Variants in MALRD1 observed in about 807,000 individuals in gnomAD.
MALRD1 encodes the protein MAM and LDL receptor class A domain containing 1, also known as MAM and LDL-receptor class A domain-containing protein 1.
MALRD1 carries 247 observed loss-of-function variants against 242.1 expected under a neutral mutation model. That is an observed-to-expected ratio of 1.02 (90% CI 0.92 to 1.13). The LOEUF is 1.13. Ranked by LOEUF, MALRD1 falls within the 50% of genes most tolerant of loss-of-function variation. The pLI, the probability that MALRD1 is intolerant of heterozygous loss-of-function variation, is 0.00. For missense variants in MALRD1, 2,989 were observed against 2,533.1 expected (o/e 1.18, Z -3.86); for synonymous variants, 995 against 866.6 (o/e 1.15, Z -2.60).
At position 19,691,939 on chromosome 10, in the gene MALRD1, CT is replaced by C. The variant is rs150268970; in HGVS notation, c.6138-339del. Reference sequence around the variant, plus strand: ...TCTTCACTATAGAAAAATGTGCTGCCTTTTGGATTTGAGGCAAATGATGGAT... The same window carrying C: ...TCTTCACTATAGAAAAATGTGCTGCCTTTGGATTTGAGGCAAATGATGGAT... On this transcript the variant is annotated intron_variant, in intron 36 of 39. Transcript: ENST00000454679. Among the ~76,000 whole-genome samples, 1,431 of 152,174 alleles carry C rather than the reference CT, an allele frequency of 9.4e-3. 19 individuals are homozygous for C. Among genetic ancestry groups the C allele is most frequent in the East Asian group, 0.056 (288 of 5,182 alleles).
chr10:19,352,883 T>C (rs564834948), intron 26 of MALRD1, among the ~76,000 whole-genome samples: 1 of 152,310 alleles, frequency 6.6e-6, no homozygotes, highest in South Asian at 2.1e-4. Flanking sequence ...GTAGTAGAAT[T>C]AGCAAGCACC....
intron 19 of MALRD1, among the ~76,000 whole-genome samples, chr10:19,268,208 A>G (rs1473871228): frequency 6.6e-6 from 1 of 152,108 alleles, no homozygotes; most frequent in Non-Finnish European, 1.5e-5. Context: ...GTTATAAAGC[A>G]AAAGTATTTC....
intron 21 of MALRD1, among the ~76,000 whole-genome samples, chr10:19,297,483 G>A (rs1414793229): frequency 6.6e-6 from 1 of 151,506 alleles, no homozygotes. Context: ...TAAAGTTTGG[G>A]GTAAGAGTAT....
chr10:19,570,089 C>T (rs114964900), intron 33 of MALRD1, among the ~76,000 whole-genome samples: 2,307 of 151,952 alleles, frequency 0.015, 57 homozygotes, highest in African/African-American at 0.053. Flanking sequence ...CTGTCAAGGA[C>T]GATTTAAAAA....
chr10:19,327,735 T>C, intron 23 of MALRD1, 62 bp downstream of exon 23: 1 of 1,285,966 alleles, frequency 7.8e-7, no homozygotes. Flanking sequence ...TCCTCATTTA[T>C]TTCCTTCTCT....
chr10:19,350,881 T>A (rs1844344698), intron 25 of MALRD1, among the ~76,000 whole-genome samples: 1 of 152,188 alleles, frequency 6.6e-6, no homozygotes, highest in African/African-American at 2.4e-5. Flanking sequence ...CCCTGGCCAC[T>A]TTGTTTCTCA....
chr10:19,228,247 A>G lies in MALRD1; in HGVS notation c.2991+18567A>G, dbSNP rs138676642. Reference sequence around the variant, plus strand: ...AGGAGCAAACTGATACAACAGCAATATAAGTGAATATCAAAAGCATTATGC... The same window carrying G: ...AGGAGCAAACTGATACAACAGCAATGTAAGTGAATATCAAAAGCATTATGC... On this transcript the variant is annotated intron_variant, in intron 18 of 39. Transcript: ENST00000454679. 3.0e-4 allele frequency among the ~76,000 whole-genome samples: 46 copies of G among 152,324 alleles called. No individual in the cohort carries two copies. In the Middle Eastern group the frequency reaches 0.014, roughly 45 times the overall value.
chr10:19,650,982 A>G (rs1297849233), intron 36 of MALRD1, among the ~76,000 whole-genome samples: 1 of 152,178 alleles, frequency 6.6e-6, no homozygotes, highest in South Asian at 2.1e-4. Flanking sequence ...CACTGAGTGG[A>G]TAATAGAAAG....
intron 18 of MALRD1, among the ~76,000 whole-genome samples, chr10:19,210,973 T>C (rs912120591): frequency 4.6e-5 from 7 of 152,180 alleles, no homozygotes; most frequent in Admixed American, 4.6e-4. Flanking sequence ...CCCACAAACA[T>C]AAGATACATG....
chr10:19,680,371 G>C (rs1374584114), intron 36 of MALRD1, among the ~76,000 whole-genome samples: 1 of 152,098 alleles, frequency 6.6e-6, no homozygotes, highest in Non-Finnish European at 1.5e-5. Context: ...TTGTTGAATT[G>C]ACCCCTTTAC....
Position 19,531,255 on chromosome 10 carries a change from A to T in MALRD1, c.5382A>T (p.Arg1794Ser). ...GCTCCAAGGAAGGATCCGTTGCCAGAATTACTACTTCCAAATCCTTCCCAG... is the reference window on the plus strand; with the variant it reads ...GCTCCAAGGAAGGATCCGTTGCCAGTATTACTACTTCCAAATCCTTCCCAG... Reference protein sequence around the residue: ...SSGSKEGSVARITTSKSFPAS... With the variant: ...SSGSKEGSVASITTSKSFPAS... The change falls in exon 32 of 40, where the codon AGA becomes AGT. Residue 1794 changes from arginine (R) to serine (S), a missense_variant. Physicochemically the swap from Arg to Ser is moderately radical, Grantham distance 110. Transcript: ENST00000454679. The T allele has an allele frequency of 6.4e-7, 1 of 1,550,482 alleles. No homozygotes were observed.
intron 20 of MALRD1, 113 bp downstream of exon 20, chr10:19,280,336 A>G (rs2131878776): frequency 1.4e-6 from 1 of 731,460 alleles, no homozygotes; most frequent in Non-Finnish European, 1.9e-6. Flanking sequence ...CATGAGTTAG[A>G]GCAACTTCTA....
chr10:19,069,713 G>T (rs1233042043), intron 2 of MALRD1, among the ~76,000 whole-genome samples: 2 of 145,708 alleles, frequency 1.4e-5, no homozygotes, highest in East Asian at 2.0e-4. Context: ...ACATTATTTT[G>T]CTGTCTTCAC....
intron 26 of MALRD1, among the ~76,000 whole-genome samples, chr10:19,380,849 C>T (rs1460899200): frequency 6.6e-6 from 1 of 151,684 alleles, no homozygotes; most frequent in Non-Finnish European, 1.5e-5. Flanking sequence ...TTTGTAACAT[C>T]TTAGGTTTTT....
intron 31 of MALRD1, among the ~76,000 whole-genome samples, chr10:19,506,045 G>T (rs11010197): frequency 6.6e-6 from 1 of 152,112 alleles, no homozygotes; most frequent in Non-Finnish European, 1.5e-5. Context: ...AGAATTCTGC[G>T]TGGGATTCCA....
chr10:19,176,785 T>C (rs1452986528), intron 14 of MALRD1, among the ~76,000 whole-genome samples: 3 of 151,952 alleles, frequency 2.0e-5, no homozygotes, highest in African/African-American at 7.3e-5. Context: ...CAAGTGTGTG[T>C]GTGTGTGCAT....
At chr10:19,432,652 T>C (rs891328779) in intron 28 of MALRD1, among the ~76,000 whole-genome samples, 1 of 152,208 alleles carries the variant, frequency 6.6e-6, no homozygotes, top group African/African-American at 2.4e-5. Flanking sequence ...ACAAATATGA[T>C]TTTGATAAGA....
chr10:19,487,421 C>T (rs1008046653), intron 29 of MALRD1, among the ~76,000 whole-genome samples: 1 of 151,168 alleles, frequency 6.6e-6, no homozygotes, highest in Non-Finnish European at 1.5e-5. Context: ...GTTCAGTTTA[C>T]TGCAGTTCAG....
chr10:19,627,457 G>C (rs1402454502), intron 36 of MALRD1, among the ~76,000 whole-genome samples: 1 of 151,934 alleles, frequency 6.6e-6, no homozygotes, highest in Non-Finnish European at 1.5e-5. Context: ...CAATAACAGG[G>C]CCACGTGCGG....
Sources: gnomAD v4.1 joint callset for allele counts (sites outside exome capture counted in the v4.1 genomes callset) on GRCh38, gnomAD v4.1.1 for gene constraint, MANE v1.5 for transcripts, NCBI Gene and HGNC (gene_info 2026-07-23, HGNC 2026-07-21) for gene names.